Variants in GAREM1 observed in about 807,000 individuals in gnomAD.
GAREM1 encodes GRB2-associated and regulator of MAPK protein 1.
A neutral mutation model predicts 71.3 loss-of-function variants in GAREM1; 26 were observed. The ratio of observed to expected loss-of-function variants is 0.36; its 90% confidence interval spans 0.27 to 0.51. The LOEUF is 0.51. Among genes scored for constraint, GAREM1 ranks in the 20% least tolerant of loss-of-function variants. The pLI, the probability that GAREM1 is intolerant of heterozygous loss-of-function variation, is 0.95. For missense variants in GAREM1, 1,026 were observed against 1,103.1 expected, an observed-to-expected ratio of 0.93 and a Z score of 0.99; for synonymous variants, 440 against 433.2, an observed-to-expected ratio of 1.02 and a Z score of -0.20.
At chr18:32,377,731 T>G (rs531723952) in intron 2 of GAREM1, among the ~76,000 whole-genome samples, 1 of 151,974 alleles carries the variant, frequency 6.6e-6, no homozygotes, top group Non-Finnish European at 1.5e-5. Context: ...ACCTGGCTAA[T>G]TTTTTGTATT....
chr18:32,413,353 CAA>C, intron 1 of GAREM1: 1 of 695,830 alleles, frequency 1.4e-6, no homozygotes. Context: ...TTGAAAGAAA[CAA>C]AGACTCATAC....
intron 2 of GAREM1, among the ~76,000 whole-genome samples, chr18:32,325,527 T>C (rs1461996112): frequency 1.3e-5 from 2 of 152,152 alleles, no homozygotes; most frequent in Non-Finnish European, 2.9e-5. Flanking sequence ...AATCTAAAAC[T>C]GCTCTAAAAA....
At chr18:32,380,862 T>G (rs2048090042) in intron 2 of GAREM1, among the ~76,000 whole-genome samples, 1 of 152,102 alleles carries the variant, frequency 6.6e-6, no homozygotes, top group Non-Finnish European at 1.5e-5. Flanking sequence ...AGTTAAAAAC[T>G]GTGACAAATT....
At chr18:32,389,361 C>T (rs1461092868) in intron 2 of GAREM1, among the ~76,000 whole-genome samples, 1 of 152,122 alleles carries the variant, frequency 6.6e-6, no homozygotes, top group Admixed American at 6.5e-5. Flanking sequence ...TGGAGGCTTA[C>T]TTAGTGGTAA....
chr18:32,463,817 C>T (rs2048974414), intron 1 of GAREM1, among the ~76,000 whole-genome samples: 1 of 151,806 alleles, frequency 6.6e-6, no homozygotes. Flanking sequence ...GATCCGCCCA[C>T]CTCAGCCTCC....
At chr18:32,460,044 C>G (rs972091425) in intron 1 of GAREM1, among the ~76,000 whole-genome samples, 11 of 151,410 alleles carry the variant, frequency 7.3e-5, no homozygotes, top group African/African-American at 2.2e-4. Context: ...AACTCTAGTT[C>G]CCTGCTAGGA....
chr18:32,469,854 G>C (rs1286175234), intron 1 of GAREM1, among the ~76,000 whole-genome samples: 1 of 152,126 alleles, frequency 6.6e-6, no homozygotes, highest in Non-Finnish European at 1.5e-5. Flanking sequence ...TGGTCACCCA[G>C]GAGCTTTTCC....
intron 1 of GAREM1, among the ~76,000 whole-genome samples, chr18:32,413,864 C>A (rs1003400094): frequency 6.6e-6 from 1 of 152,116 alleles, no homozygotes; most frequent in Non-Finnish European, 1.5e-5. Flanking sequence ...GTTACACTCC[C>A]AAGCAATTAT....
At chr18:32,440,851 G>T (rs1017885347) in intron 1 of GAREM1, among the ~76,000 whole-genome samples, 14 of 152,300 alleles carry the variant, frequency 9.2e-5, no homozygotes, top group Middle Eastern at 3.4e-3. Flanking sequence ...ACTGTGAATG[G>T]AAAGAAGCCT....
rs183110917 is a variant in GAREM1, at chr18:32,423,166, G to A, written c.122-30131C>T. ...CTATGGGCAGAGTAAGAATTCCAGT[G>A]GGACACTAGCTGTGTGCTCCTGATT... On this transcript the variant is annotated intron_variant, in intron 1 of 5. Coordinates refer to ENST00000269209, the MANE Select transcript of GAREM1 (RefSeq NM_001242409.2). Among the ~76,000 whole-genome samples the A allele has an allele frequency of 1.7e-3, 254 of 152,252 alleles. 2 individuals are homozygous for A. Among genetic ancestry groups the A allele is most frequent in the Non-Finnish European group, 9.1e-4 (62 of 68,012 alleles).
intron 2 of GAREM1, among the ~76,000 whole-genome samples, chr18:32,356,534 G>A (rs947162975): frequency 6.6e-6 from 1 of 152,022 alleles, no homozygotes; most frequent in Non-Finnish European, 1.5e-5. Flanking sequence ...CCTGTTTAAT[G>A]TCCTAAATAC....
chr18:32,311,731 T>C (rs1240760536), intron 2 of GAREM1, among the ~76,000 whole-genome samples: 4 of 152,152 alleles, frequency 2.6e-5, no homozygotes, highest in Non-Finnish European at 5.9e-5. Context: ...TGGAGTGGGA[T>C]AAGGGAAGAG....
chr18:32,281,911 C>T (rs1026725491), intron 4 of GAREM1, among the ~76,000 whole-genome samples: 1 of 152,148 alleles, frequency 6.6e-6, no homozygotes, highest in Non-Finnish European at 1.5e-5. Flanking sequence ...TGACATTCCA[C>T]CACAAAAGAA....
At chr18:32,305,671 C>G (rs933136908) in intron 3 of GAREM1, among the ~76,000 whole-genome samples, 3 of 152,158 alleles carry the variant, frequency 2.0e-5, no homozygotes, top group Admixed American at 2.0e-4. Context: ...AGGCATGCAC[C>G]CCCATGCCCA....
intron 2 of GAREM1, among the ~76,000 whole-genome samples, chr18:32,357,582 A>G (rs1397840518): frequency 2.6e-5 from 4 of 152,248 alleles, no homozygotes; most frequent in Non-Finnish European, 5.9e-5. Context: ...GGAAGAAGGA[A>G]GGCTCTGATT....
intron 1 of GAREM1, among the ~76,000 whole-genome samples, chr18:32,438,375 G>A (rs1393731925): frequency 6.6e-6 from 1 of 152,180 alleles, no homozygotes; most frequent in Non-Finnish European, 1.5e-5. Context: ...TTGGCCATCT[G>A]CCTGGCTTGC....
At chr18:32,469,361 T>G (rs962609584) in intron 1 of GAREM1, among the ~76,000 whole-genome samples, 2 of 152,120 alleles carry the variant, frequency 1.3e-5, no homozygotes, top group African/African-American at 4.8e-5. Context: ...CCCGTGTACT[T>G]CCACAGCTGC....
At chr18:32,324,535 T>C (rs1409508457) in intron 2 of GAREM1, among the ~76,000 whole-genome samples, 2 of 152,188 alleles carry the variant, frequency 1.3e-5, no homozygotes, top group Non-Finnish European at 2.9e-5. Flanking sequence ...TAAAACTCCA[T>C]GTACAGAAAC....
chr18:32,310,808 A>G (rs937798544), intron 2 of GAREM1, among the ~76,000 whole-genome samples: 5 of 152,146 alleles, frequency 3.3e-5, no homozygotes, highest in African/African-American at 1.2e-4. Context: ...GATATAATGG[A>G]TTCCTGGCTT....
Sources: gnomAD v4.1 joint callset for allele counts (sites outside exome capture counted in the v4.1 genomes callset) on GRCh38, gnomAD v4.1.1 for gene constraint, MANE v1.5 for transcripts, NCBI Gene and HGNC (gene_info 2026-07-23, HGNC 2026-07-21) for gene names.